The following LINGO2 variants were observed in gnomAD, a reference collection of about 807,000 sequenced individuals.
LINGO2 encodes leucine-rich repeat and immunoglobulin-like domain-containing nogo receptor-interacting protein 2.
In LINGO2, 14 loss-of-function variants were observed where a neutral mutation model predicts 30.6. The ratio of observed to expected loss-of-function variants is 0.46; its 90% CI spans 0.30 to 0.72. The LOEUF (loss-of-function observed/expected upper bound fraction) is 0.72. Among genes scored for constraint, LINGO2 ranks in the 30% least tolerant of loss-of-function variants. The probability of loss-of-function intolerance (pLI) is 0.07; values close to 1 mark genes in which losing one functional copy is unlikely to be tolerated. For missense variants in LINGO2, 729 were observed against 751.7 expected (o/e 0.97, Z 0.35); for synonymous variants, 317 against 288.5 (o/e 1.10, Z -1.00).
chr9:29,137,872 A>T, the LINGO2 span, among the ~76,000 whole-genome samples: 4 of 152,062 alleles, frequency 2.6e-5, no homozygotes, highest in Non-Finnish European at 1.5e-5. Flanking sequence ...CTGCATCTCA[A>T]TTTTCTGATC....
chr9:27,969,054 C>T (rs1353118626), intron 5 of LINGO2, among the ~76,000 whole-genome samples: 2 of 151,922 alleles, frequency 1.3e-5, no homozygotes, highest in African/African-American at 4.8e-5. Flanking sequence ...TAATTATCCT[C>T]TTCTGAATAA....
chr9:28,925,130 C>A, the LINGO2 span, among the ~76,000 whole-genome samples: 1 of 152,126 alleles, frequency 6.6e-6, no homozygotes, highest in Non-Finnish European at 1.5e-5. Context: ...ACATTGTACC[C>A]CATAAGTATA....
chr9:28,875,608 C>A, the LINGO2 span, among the ~76,000 whole-genome samples: 1 of 151,998 alleles, frequency 6.6e-6, no homozygotes, highest in African/African-American at 2.4e-5. Context: ...CATTAACCTA[C>A]AATGGTTTTC....
the LINGO2 span, among the ~76,000 whole-genome samples, chr9:28,783,386 T>G: frequency 6.6e-6 from 1 of 152,186 alleles, no homozygotes; most frequent in Admixed American, 6.5e-5. Context: ...ATAGTTGTTA[T>G]ACTATATTTT....
the LINGO2 span, among the ~76,000 whole-genome samples, chr9:28,680,998 A>G: frequency 6.6e-6 from 1 of 152,198 alleles, no homozygotes; most frequent in Admixed American, 6.5e-5. Context: ...TTTAGGGATT[A>G]TATCTTAAAA....
intron 3 of LINGO2, among the ~76,000 whole-genome samples, chr9:28,307,113 A>G (rs1021328034): frequency 4.1e-4 from 62 of 152,124 alleles, no homozygotes; most frequent in African/African-American, 1.4e-3. Context: ...AAAGCCCGGC[A>G]GAGACACAAC....
the LINGO2 span, among the ~76,000 whole-genome samples, chr9:29,141,083 C>G: frequency 2.5e-4 from 38 of 151,928 alleles, no homozygotes; most frequent in African/African-American, 9.2e-4. Flanking sequence ...GATAGCAACA[C>G]AAAAATATTT....
intron 4 of LINGO2, among the ~76,000 whole-genome samples, chr9:28,259,977 TG>T (rs1309041826): frequency 6.6e-6 from 1 of 151,856 alleles, no homozygotes; most frequent in East Asian, 1.9e-4. Flanking sequence ...TCCACAATTT[TG>T]TTTTCAGGAT....
At chr9:28,631,706 T>C (rs1016545963) in intron 1 of LINGO2, among the ~76,000 whole-genome samples, 4 of 152,236 alleles carry the variant, frequency 2.6e-5, no homozygotes, top group Admixed American at 2.0e-4. Flanking sequence ...CATATGTTGC[T>C]GTCTCCCCAA....
At chr9:28,451,245 T>C (rs1349478542) in intron 2 of LINGO2, among the ~76,000 whole-genome samples, 2 of 151,834 alleles carry the variant, frequency 1.3e-5, no homozygotes, top group Non-Finnish European at 3.0e-5. Context: ...TTACTCTCAA[T>C]AACATTATCT....
the LINGO2 span, among the ~76,000 whole-genome samples, chr9:28,871,914 G>A: frequency 6.6e-6 from 1 of 151,890 alleles, no homozygotes; most frequent in Non-Finnish European, 1.5e-5. Flanking sequence ...TTTATCTTCT[G>A]TTACTTTATA....
chr9:28,408,948 T>C (rs1822633636), intron 2 of LINGO2, among the ~76,000 whole-genome samples: 1 of 152,066 alleles, frequency 6.6e-6, no homozygotes, highest in Non-Finnish European at 1.5e-5. Context: ...TAAAAGCTTC[T>C]ACAAACATTA....
chr9:28,224,642 CTCTT>C (rs1420217536), intron 4 of LINGO2, among the ~76,000 whole-genome samples: 1 of 152,134 alleles, frequency 6.6e-6, no homozygotes, highest in African/African-American at 2.4e-5. Context: ...CATTTTTCCT[CTCTT>C]TATCTTTCCT....
chr9:28,602,647 T>C (rs930482890), intron 1 of LINGO2, among the ~76,000 whole-genome samples: 8 of 152,126 alleles, frequency 5.3e-5, no homozygotes, highest in African/African-American at 1.7e-4. Flanking sequence ...ATGCTTTAGT[T>C]TATGTATTTT....
At chr9:28,470,643 A>C (rs2135167242) in intron 2 of LINGO2, among the ~76,000 whole-genome samples, 2 of 152,238 alleles carry the variant, frequency 1.3e-5, no homozygotes, top group Middle Eastern at 3.4e-3. Flanking sequence ...GTATGCAATC[A>C]TTCTCCTGCA....
chr9:28,682,859 C>G, the LINGO2 span, among the ~76,000 whole-genome samples: 1 of 144,686 alleles, frequency 6.9e-6, no homozygotes, highest in Non-Finnish European at 1.5e-5. Context: ...AGTTGGTTCT[C>G]TCTATGGCAG....
chr9:28,961,510 A>T, the LINGO2 span, among the ~76,000 whole-genome samples: 27 of 152,144 alleles, frequency 1.8e-4, no homozygotes, highest in Non-Finnish European at 3.5e-4. Context: ...AGAAGATAGG[A>T]TATGCACTTA....
the LINGO2 span, among the ~76,000 whole-genome samples, chr9:28,843,403 G>T: frequency 6.6e-6 from 1 of 151,640 alleles, no homozygotes; most frequent in African/African-American, 2.4e-5. Context: ...TACTTTTCTT[G>T]TATAGAGGCT....
chr9:28,627,108 T>G (rs541256838), intron 1 of LINGO2, among the ~76,000 whole-genome samples: 1 of 152,038 alleles, frequency 6.6e-6, no homozygotes, highest in Non-Finnish European at 1.5e-5. Context: ...AAATTTTGGA[T>G]AAATTTTATC....
Sources: allele counts gnomAD v4.1 joint callset (sites outside exome capture counted in the v4.1 genomes callset), GRCh38; gene constraint gnomAD v4.1.1; transcripts MANE v1.5; gene names NCBI Gene and HGNC (gene_info 2026-07-23, HGNC 2026-07-21).